The following CFLAR variants were observed in gnomAD, a reference collection of about 807,000 sequenced individuals.
The protein encoded by CFLAR is CASP8 and FADD like apoptosis regulator, also known as CASP8 and FADD-like apoptosis regulator.
A neutral mutation model predicts 51.1 loss-of-function variants in CFLAR; 14 were observed. The ratio of observed to expected loss-of-function variants is 0.27; its 90% CI spans 0.18 to 0.43. The LOEUF (loss-of-function observed/expected upper bound fraction) is 0.43. CFLAR is among the 20% of genes least tolerant of loss of function. The probability of loss-of-function intolerance (pLI) is 1.00; values close to 1 mark genes in which losing one functional copy is unlikely to be tolerated. For missense variants in CFLAR, 390 were observed against 566.5 expected, an observed-to-expected ratio of 0.69 and a Z score of 3.16; for synonymous variants, 210 against 211.6, an observed-to-expected ratio of 0.99 and a Z score of 0.06.
intron 1 of CFLAR, among the ~76,000 whole-genome samples, chr2:201,120,318 T>C (rs1055819498): frequency 6.6e-6 from 1 of 152,136 alleles, no homozygotes; most frequent in South Asian, 2.1e-4. Flanking sequence ...CTTCCTTTTC[T>C]ACACTTGTTC....
In CFLAR at chr2:201,130,158, A is replaced by G. The variant is rs1469464828; in HGVS notation, c.281+12A>G. 4 of 631,296 alleles carry G rather than the reference A, an allele frequency of 6.3e-6. No homozygotes were observed. In the African/African-American group the frequency reaches 1.0e-4, roughly 16 times the overall value. 39.1% of individuals were successfully genotyped at this position (631,296 alleles called of 1,614,324 possible). ...GTTTCGGACTATAGGTAATTCATCA[A>G]CTCTTCCTGAGGCTGGGTGGGTGGG... On this transcript the variant is annotated intron_variant, in intron 2 of 9. Coordinates refer to ENST00000309955, the MANE Select transcript of CFLAR (RefSeq NM_003879.7).
At chr2:201,141,697 G>T in intron 5 of CFLAR, 1 of 1,021,498 alleles carries the variant, frequency 9.8e-7, no homozygotes, top group Non-Finnish European at 1.2e-6. Flanking sequence ...GTGTTCATGA[G>T]CATAAGTGTA....
rs13408904 is a variant in CFLAR at position 201,176,201 on chromosome 2, C to G, written c.*12228C>G. On this transcript the variant is annotated 3_prime_UTR_variant, in exon 10 of 10. Coordinates refer to ENST00000309955, the MANE Select transcript of CFLAR (RefSeq NM_003879.7). ...GGGGTTTTATATGCTGGCATACTTC[C>G]GGGATCTTGTGTTACTTTTCCCCAC... The G allele has an allele frequency of 7.0e-6, 1 of 143,076 alleles. No homozygotes were observed. Among genetic ancestry groups the G allele is most frequent in the South Asian group, 2.1e-4 (1 of 4,698 alleles). 8.9% of individuals were successfully genotyped at this position (143,076 alleles called of 1,614,324 possible).
intron 6 of CFLAR, chr2:201,148,174 C>A (rs1018897827): frequency 6.6e-6 from 1 of 152,028 alleles, no homozygotes; most frequent in Non-Finnish European, 1.5e-5. Context: ...CCTCCAGATT[C>A]TTTTATATTT....
At chr2:201,158,921 A>C (rs1438244439) in intron 8 of CFLAR, among the ~76,000 whole-genome samples, 1 of 151,218 alleles carries the variant, frequency 6.6e-6, no homozygotes, top group East Asian at 1.9e-4. Context: ...TCTGTTGCCC[A>C]GGCTGGAGTG....
At chr2:201,132,110 A>G (rs2049394085) in intron 2 of CFLAR, among the ~76,000 whole-genome samples, 1 of 152,058 alleles carries the variant, frequency 6.6e-6, no homozygotes. Flanking sequence ...GAATAGGGCA[A>G]TCTCTCCATT....
In CFLAR at chr2:201,173,669, G is replaced by GTTATT. The variant is rs371229929; in HGVS notation, c.*9709_*9713dup. The GTTATT allele has an allele frequency of 5.3e-5, 8 of 150,936 alleles. No homozygotes were observed. Among genetic ancestry groups the GTTATT allele is most frequent in the African/African-American group, 1.7e-4 (7 of 40,834 alleles). The allele number at this position is 150,936 out of a possible 1,614,324, so 9.3% of individuals were successfully genotyped here. Reference sequence around the variant, plus strand: ...AAGTCCTTTCTCATTTTAAAACTGCGTTATTTTATTTTATTTTTCTGAGAT... The same window carrying GTTATT: ...AAGTCCTTTCTCATTTTAAAACTGCGTTATTTTATTTTATTTTATTTTTCTGAGAT... On this transcript the variant is annotated 3_prime_UTR_variant, in exon 10 of 10. Coordinates refer to ENST00000309955, the MANE Select transcript of CFLAR (RefSeq NM_003879.7).
chr2:201,136,054 A>C lies in CFLAR; in HGVS notation c.470A>C (p.Lys157Thr). The C allele has an allele frequency of 1.2e-6, 2 of 1,614,134 alleles. No individual in the cohort carries two copies. The highest frequency in any genetic ancestry group is 1.7e-6 in the Non-Finnish European group (2 of 1,180,028). Residue 157 changes from lysine (K) to threonine (T), a missense_variant, in exon 4 of 10, where the codon AAG becomes ACG. Physicochemically the swap from Lys to Thr is moderately conservative, Grantham distance 78 (BLOSUM62 -1). This residue lies in a region of CFLAR where 103 missense variants were observed against 202.9 expected (regional missense o/e 0.51). Transcript: ENST00000309955. Reference sequence around the variant, plus strand: ...CTGGATTTATTAGAAAAATGCCTAAAGAACATCCACAGAATAGACCTGAAG... The same window carrying C: ...CTGGATTTATTAGAAAAATGCCTAACGAACATCCACAGAATAGACCTGAAG... ...DQLDLLEKCL[K>T]NIHRIDLKTK... is the part of the protein sequence containing the mutation.
Position 201,176,172 on chromosome 2 carries a change from A to G in CFLAR, c.*12199A>G, listed in dbSNP as rs1377122941. The stretch of plus-strand genomic sequence containing the variant: ...ACCAGGTGCAGGGCTTGCCCTCTTG[A>G]CTTGGGGTTTTATATGCTGGCATAC... On this transcript the variant is annotated 3_prime_UTR_variant, in exon 10 of 10. Transcript: ENST00000309955. 1.3e-5 allele frequency: 2 copies of G among 151,356 alleles called. No homozygotes were observed. Among genetic ancestry groups the G allele is most frequent in the Non-Finnish European group, 2.9e-5 (2 of 68,002 alleles). 9.4% of individuals were successfully genotyped at this position (151,356 alleles called of 1,614,324 possible).
In CFLAR at chr2:201,127,260, A is replaced by G. The variant is rs117737835; in HGVS notation, c.-137-2469A>G. Among the ~76,000 whole-genome samples, 92 of 152,330 alleles carry G rather than the reference A, an allele frequency of 6.0e-4. 1 individual carries two copies. The highest frequency in any genetic ancestry group is 3.5e-3 in the South Asian group (17 of 4,828). On this transcript the variant is annotated intron_variant, in intron 1 of 9. Coordinates refer to ENST00000309955, the MANE Select transcript of CFLAR (RefSeq NM_003879.7). Reference sequence around the variant, plus strand: ...TGCCCCTTCATCTGAGTAAGGTGAAAGCAAGTGACTCTTCAGAAGAGGCGA... The same window carrying G: ...TGCCCCTTCATCTGAGTAAGGTGAAGGCAAGTGACTCTTCAGAAGAGGCGA...
At chr2:201,140,180 T>TC (rs372395139) in intron 4 of CFLAR, 177 bp from the exon 5 acceptor site, 10 of 662,488 alleles carry the variant, frequency 1.5e-5, no homozygotes, top group Middle Eastern at 8.6e-4. Context: ...CGCCCTATAC[T>TC]CCATTCTTCA....
chr2:201,158,218 T>A (rs150911526), intron 8 of CFLAR, among the ~76,000 whole-genome samples: 26 of 152,324 alleles, frequency 1.7e-4, no homozygotes, highest in African/African-American at 5.5e-4. Context: ...ATTCCAAGGC[T>A]GGTTCCTCTT....
intron 9 of CFLAR, chr2:201,162,759 G>A (rs1943188026): frequency 2.6e-6 from 1 of 389,578 alleles, no homozygotes; most frequent in Non-Finnish European, 4.9e-6. Flanking sequence ...CTCACAGCCT[G>A]CCATCACTTT....
chr2:201,121,258 A>G (rs578094355), intron 1 of CFLAR, among the ~76,000 whole-genome samples: 1 of 152,364 alleles, frequency 6.6e-6, no homozygotes, highest in East Asian at 1.9e-4. Context: ...TTAATAAAAT[A>G]TGTGGTAGCA....
intron 5 of CFLAR, among the ~76,000 whole-genome samples, chr2:201,144,663 T>C (rs548568910): frequency 6.6e-6 from 1 of 152,270 alleles, no homozygotes; most frequent in East Asian, 1.9e-4. Context: ...GGCCTAGAAA[T>C]CCGACTCTTA....
chr2:201,131,978 C>T (rs978168154), intron 2 of CFLAR, among the ~76,000 whole-genome samples: 2 of 152,130 alleles, frequency 1.3e-5, no homozygotes, highest in East Asian at 1.9e-4. Context: ...AAGCACTCTA[C>T]AGATAGAAGG....
Position 201,167,767 on chromosome 2 carries a change from G to A in CFLAR, c.*3794G>A, listed in dbSNP as rs1943731949. ...ACCATGAAGATACGGGCCACACGTAGGGGTAGCTGGGTAGTGAGCAGCAAG... is the reference window on the plus strand; with the variant it reads ...ACCATGAAGATACGGGCCACACGTAAGGGTAGCTGGGTAGTGAGCAGCAAG... On this transcript the variant is annotated 3_prime_UTR_variant, in exon 10 of 10. Coordinates refer to ENST00000309955, the MANE Select transcript of CFLAR (RefSeq NM_003879.7). 6.6e-6 allele frequency: 1 copy of A among 152,272 alleles called. No individual in the cohort carries two copies. Among genetic ancestry groups the A allele is most frequent in the Non-Finnish European group, 1.5e-5 (1 of 68,064 alleles). 9.4% of individuals were successfully genotyped at this position (152,272 alleles called of 1,614,324 possible).
In CFLAR at chr2:201,118,275, A is replaced by T. The variant is rs1017200034; in HGVS notation, c.-138+1794A>T. On this transcript the variant is annotated intron_variant, in intron 1 of 9. Transcript: ENST00000309955. The surrounding 1 kb of genome is among the most constrained non-coding windows in gnomAD (Gnocchi z 5.1). ...TTAACACGGTATTACTTGCTTCCTT[A>T]TACCGGTTTCCAAGGTGAAGCCATT... 1.3e-5 allele frequency among the ~76,000 whole-genome samples: 2 copies of T among 152,108 alleles called. No individual in the cohort carries two copies. Among genetic ancestry groups the T allele is most frequent in the African/African-American group, 4.8e-5 (2 of 41,384 alleles).
intron 4 of CFLAR, chr2:201,139,785 A>C (rs576512114): frequency 6.5e-6 from 1 of 152,888 alleles, no homozygotes; most frequent in East Asian, 1.9e-4. Flanking sequence ...GAAACACCTA[A>C]AAATGATCAA....
Sources: gnomAD v4.1 joint callset for allele counts (sites outside exome capture counted in the v4.1 genomes callset) on GRCh38, gnomAD v4.1.1 for gene constraint, gnomAD v4.1.1 regional missense constraint, Gnocchi (gnomAD v3.1) non-coding constraint, MANE v1.5 for transcripts, NCBI Gene and HGNC (gene_info 2026-07-23, HGNC 2026-07-21) for gene names.